CSMD1: variants seen among roughly 807,000 people sequenced by gnomAD.
CSMD1 encodes the protein CUB and sushi domain-containing protein 1.
Under a neutral mutation model 417.5 loss-of-function variants are expected in CSMD1, and 213 were observed. That is an observed-to-expected ratio of 0.51 (90% CI 0.46 to 0.57). The LOEUF (loss-of-function observed/expected upper bound fraction) is 0.57, where lower values mean the gene tolerates loss of function less well. CSMD1 is among the 20% of genes least tolerant of loss of function. CSMD1 has a pLI of 0.00. For synonymous variants in CSMD1, 2,862 were observed against 1,736.8 expected, an observed-to-expected ratio of 1.65 and a Z score of -16.11; for missense variants, 6,923 against 4,529.7, an observed-to-expected ratio of 1.53 and a Z score of -15.17.
At chr8:3,539,375 G>A (rs993968358) in intron 10 of CSMD1, among the ~76,000 whole-genome samples, 1 of 152,016 alleles carries the variant, frequency 6.6e-6, no homozygotes, top group Non-Finnish European at 1.5e-5. Context: ...TTTACTATAA[G>A]AAGTATATAC....
rs146239827 is a variant in CSMD1, at chr8:4,655,772, G to A, written c.86-18214C>T. 2.7e-3 allele frequency among the ~76,000 whole-genome samples: 411 copies of A among 152,146 alleles called. 6 individuals are homozygous for A. The highest frequency in any genetic ancestry group is 8.9e-3 in the African/African-American group (368 of 41,472). On this transcript the variant is annotated intron_variant, in intron 1 of 69. Transcript: ENST00000635120. ...TACTCACACTAATAGTATAATTTACGTTGATATAATATCAAATCAATTACT... is the reference window on the plus strand; with the variant it reads ...TACTCACACTAATAGTATAATTTACATTGATATAATATCAAATCAATTACT...
chr8:4,944,265 G>T (rs1239294550), intron 1 of CSMD1, among the ~76,000 whole-genome samples: 1 of 152,172 alleles, frequency 6.6e-6, no homozygotes. Flanking sequence ...AGAGCTCTGA[G>T]GATTCTATAC....
chr8:4,208,348 C>A (rs1437295340), intron 3 of CSMD1, among the ~76,000 whole-genome samples: 1 of 152,094 alleles, frequency 6.6e-6, no homozygotes, highest in Admixed American at 6.6e-5. Context: ...TTGAATCCTT[C>A]CTGGAGTAAG....
At chr8:3,533,327 G>C (rs1369141282) in intron 10 of CSMD1, among the ~76,000 whole-genome samples, 1 of 152,068 alleles carries the variant, frequency 6.6e-6, no homozygotes, top group African/African-American at 2.4e-5. Context: ...AGATTGTACA[G>C]CAGATCTCTA....
At chr8:3,623,499 GAATT>G (rs540009591) in intron 7 of CSMD1, among the ~76,000 whole-genome samples, 17 of 152,236 alleles carry the variant, frequency 1.1e-4, no homozygotes, top group Non-Finnish European at 2.2e-4. Flanking sequence ...TGAATAATCA[GAATT>G]AATTACAAAT....
At chr8:4,123,482 T>G (rs1056160981) in intron 3 of CSMD1, among the ~76,000 whole-genome samples, 2 of 152,252 alleles carry the variant, frequency 1.3e-5, no homozygotes, top group African/African-American at 2.4e-5. Flanking sequence ...ATCAGTGCAG[T>G]TGAATTGCTT....
intron 12 of CSMD1, among the ~76,000 whole-genome samples, chr8:3,459,118 C>G (rs896955633): frequency 5.9e-5 from 9 of 152,334 alleles, no homozygotes; most frequent in African/African-American, 2.2e-4. Flanking sequence ...ACACAGCATG[C>G]TACACTGTGC....
chr8:3,798,516 A>G (rs1800284903), intron 5 of CSMD1, among the ~76,000 whole-genome samples: 1 of 152,122 alleles, frequency 6.6e-6, no homozygotes, highest in East Asian at 1.9e-4. Context: ...GAGAAAGAAG[A>G]GGAAAGACAG....
At position 3,568,476 on chromosome 8, in the gene CSMD1, T is replaced by C. The variant is rs1799811153; in HGVS notation, c.1344+6469A>G. ...AGATGTACTAACGTTTTGAGTTTTT[T>C]AAATCCTCAGAGTTTTTAATGAGCT... On this transcript the variant is annotated intron_variant, in intron 10 of 69. Coordinates refer to ENST00000635120, the MANE Select transcript of CSMD1 (RefSeq NM_033225.6). Among the ~76,000 whole-genome samples the C allele has an allele frequency of 2.0e-5, 3 of 152,334 alleles. No homozygotes were observed. In the East Asian group the frequency reaches 5.8e-4, roughly 29 times the overall value.
At chr8:4,425,960 T>C (rs1797526563) in intron 2 of CSMD1, among the ~76,000 whole-genome samples, 1 of 152,118 alleles carries the variant, frequency 6.6e-6, no homozygotes, top group Non-Finnish European at 1.5e-5. Flanking sequence ...ATCTTCATTT[T>C]AGAGAGGTAG....
chr8:3,089,010 C>T (rs1814736358), intron 48 of CSMD1, among the ~76,000 whole-genome samples: 1 of 152,198 alleles, frequency 6.6e-6, no homozygotes, highest in Non-Finnish European at 1.5e-5. Context: ...TGTGTTTCTT[C>T]TCTCACCAGC....
chr8:3,686,094 G>C (rs550317322), intron 7 of CSMD1, among the ~76,000 whole-genome samples: 1 of 14,084 alleles, frequency 7.1e-5, no homozygotes, highest in Non-Finnish European at 1.4e-4. Flanking sequence ...ACCATCAGAA[G>C]GGTCAGTTTT....
At position 3,506,642 on chromosome 8, in the gene CSMD1, A is replaced by G. The variant is rs548027964; in HGVS notation, c.1345-12916T>C. Reference sequence around the variant, plus strand: ...GCTAATATTTTTCTTAGGAAAACTTACATCTGCATATTCAGTAAGTTTCTG... The same window carrying G: ...GCTAATATTTTTCTTAGGAAAACTTGCATCTGCATATTCAGTAAGTTTCTG... On this transcript the variant is annotated intron_variant, in intron 10 of 69. Coordinates refer to ENST00000635120, the MANE Select transcript of CSMD1 (RefSeq NM_033225.6). Among the ~76,000 whole-genome samples, 5 of 152,354 alleles carry G rather than the reference A, an allele frequency of 3.3e-5. No individual in the cohort carries two copies. In the East Asian group the frequency reaches 9.6e-4, roughly 29 times the overall value.
chr8:3,678,841 A>G (rs917243436), intron 7 of CSMD1, among the ~76,000 whole-genome samples: 34 of 152,212 alleles, frequency 2.2e-4, no homozygotes, highest in Non-Finnish European at 4.3e-4. Flanking sequence ...CTGATCTCTC[A>G]GCAGAAAGTC....
chr8:2,995,254 T>C (rs998246499), intron 54 of CSMD1, among the ~76,000 whole-genome samples: 15 of 152,208 alleles, frequency 9.9e-5, no homozygotes, highest in South Asian at 2.1e-4. Context: ...TGAACAGACA[T>C]TTCACTGAAG....
chr8:3,758,293 G>C (rs1165154191), intron 5 of CSMD1, among the ~76,000 whole-genome samples: 1 of 152,206 alleles, frequency 6.6e-6, no homozygotes, highest in Non-Finnish European at 1.5e-5. Flanking sequence ...AGAGAAGCAA[G>C]GGTGAGGGCT....
At chr8:4,596,510 C>A (rs1043955776) in intron 2 of CSMD1, among the ~76,000 whole-genome samples, 1 of 152,064 alleles carries the variant, frequency 6.6e-6, no homozygotes, top group Non-Finnish European at 1.5e-5. Context: ...ACACAAGACT[C>A]TGTTCCTTAA....
chr8:4,919,086 A>G (rs1236052717), intron 1 of CSMD1, among the ~76,000 whole-genome samples: 1 of 152,238 alleles, frequency 6.6e-6, no homozygotes, highest in East Asian at 1.9e-4. Context: ...TTAAACAGAG[A>G]AAATAATGAT....
At chr8:4,417,005 T>C (rs1796978194) in intron 3 of CSMD1, among the ~76,000 whole-genome samples, 2 of 152,060 alleles carry the variant, frequency 1.3e-5, no homozygotes. Context: ...TGGTTCACAA[T>C]TAAGACTAAT....
Sources: allele counts gnomAD v4.1 joint callset (sites outside exome capture counted in the v4.1 genomes callset), GRCh38; gene constraint gnomAD v4.1.1; transcripts MANE v1.5; gene names NCBI Gene and HGNC (gene_info 2026-07-23, HGNC 2026-07-21).